PTPRD: variants seen among roughly 807,000 people sequenced by gnomAD.
PTPRD encodes receptor-type tyrosine-protein phosphatase delta.
In PTPRD, 34 loss-of-function variants were observed where a neutral mutation model predicts 214.5. The ratio of observed to expected loss-of-function variants is 0.16; its 90% CI spans 0.12 to 0.21. PTPRD has a LOEUF of 0.21. Ranked by LOEUF, PTPRD falls within the 10% of genes least tolerant of loss-of-function variation. The pLI, the probability that PTPRD is intolerant of heterozygous loss-of-function variation, is 1.00. For synonymous variants in PTPRD, 1,128 were observed against 845.7 expected (o/e 1.33, Z -5.79); for missense variants, 2,545 against 2,398.7 (o/e 1.06, Z -1.27).
Position 9,447,574 on chromosome 9 carries a change from T to C in PTPRD, c.-236-50092A>G, listed in dbSNP as rs190738793. Among the ~76,000 whole-genome samples the C allele has an allele frequency of 1.5e-3, 234 of 151,972 alleles. 1 individual carries two copies. Among genetic ancestry groups the C allele is most frequent in the African/African-American group, 5.5e-3 (228 of 41,484 alleles). On this transcript the variant is annotated intron_variant, in intron 8 of 45. Coordinates refer to ENST00000381196, the MANE Select transcript of PTPRD (RefSeq NM_002839.4). ...GGAAAAATAACTAATGGGTACTGGG[T>C]TTAATACCTGGCTGATGAAATAATC...
At chr9:8,839,507 T>C (rs1024588733) in intron 11 of PTPRD, among the ~76,000 whole-genome samples, 7 of 152,062 alleles carry the variant, frequency 4.6e-5, no homozygotes, top group Admixed American at 2.6e-4. Flanking sequence ...GTATTTTTAG[T>C]AGAGATGAGG....
chr9:8,500,619 G>A, intron 24 of PTPRD, 135 bp downstream of exon 24: 1 of 293,354 alleles, frequency 3.4e-6, no homozygotes, highest in Non-Finnish European at 5.4e-6. Flanking sequence ...ACAAGTCTTT[G>A]GCAAAAATAC....
intron 9 of PTPRD, among the ~76,000 whole-genome samples, chr9:9,323,126 AT>A (rs1412038670): frequency 2.0e-5 from 3 of 152,132 alleles, no homozygotes; most frequent in Non-Finnish European, 4.4e-5. Context: ...AGAATGATGT[AT>A]TTGTGAAGGT....
intron 8 of PTPRD, among the ~76,000 whole-genome samples, chr9:9,452,889 T>A (rs1053152311): frequency 6.6e-6 from 1 of 151,560 alleles, no homozygotes; most frequent in East Asian, 1.9e-4. Context: ...TTGAGATAAA[T>A]CACAAAACAA....
intron 2 of PTPRD, among the ~76,000 whole-genome samples, chr9:10,382,474 C>G (rs888532678): frequency 1.8e-4 from 28 of 151,776 alleles, no homozygotes; most frequent in Non-Finnish European, 3.1e-4. Flanking sequence ...AACATTACCT[C>G]GTCTATGAAG....
intron 10 of PTPRD, among the ~76,000 whole-genome samples, chr9:9,040,518 C>T (rs894598343): frequency 1.3e-5 from 2 of 152,180 alleles, no homozygotes; most frequent in Non-Finnish European, 2.9e-5. Flanking sequence ...TTCAACCGCA[C>T]TCTTGCATAG....
At chr9:8,586,765 T>C (rs1221703803) in intron 14 of PTPRD, among the ~76,000 whole-genome samples, 1 of 152,202 alleles carries the variant, frequency 6.6e-6, no homozygotes, top group Non-Finnish European at 1.5e-5. Context: ...TGTTCTTAAA[T>C]ATTTTATATT....
intron 9 of PTPRD, among the ~76,000 whole-genome samples, chr9:9,212,357 C>G (rs1314637332): frequency 6.6e-6 from 1 of 152,120 alleles, no homozygotes. Context: ...TGATTTTTCC[C>G]TATGCTGAAA....
At chr9:8,385,686 C>T (rs895801659) in intron 37 of PTPRD, among the ~76,000 whole-genome samples, 1 of 152,126 alleles carries the variant, frequency 6.6e-6, no homozygotes, top group Admixed American at 6.5e-5. Flanking sequence ...CTTATCACTA[C>T]ATGTAACCCA....
chr9:8,393,567 T>C (rs566416576), intron 36 of PTPRD, among the ~76,000 whole-genome samples: 1 of 152,106 alleles, frequency 6.6e-6, no homozygotes, highest in Non-Finnish European at 1.5e-5. Flanking sequence ...TTGGAGTCAG[T>C]TGGTCTTAGT....
At chr9:8,656,162 T>G (rs1389246846) in intron 12 of PTPRD, among the ~76,000 whole-genome samples, 2 of 152,216 alleles carry the variant, frequency 1.3e-5, no homozygotes, top group East Asian at 1.9e-4. Context: ...TTGTTAAAGA[T>G]GCATATTCTC....
intron 11 of PTPRD, among the ~76,000 whole-genome samples, chr9:8,985,081 G>A (rs561137096): frequency 8.6e-5 from 13 of 152,022 alleles, no homozygotes; most frequent in South Asian, 4.1e-4. Flanking sequence ...AAAACATCTC[G>A]CAACAGACAG....
chr9:8,849,300 C>T (rs896185083), intron 11 of PTPRD, among the ~76,000 whole-genome samples: 34 of 151,878 alleles, frequency 2.2e-4, no homozygotes, highest in African/African-American at 7.5e-4. Flanking sequence ...CTCAGTCTCC[C>T]GAGTAGCTGG....
chr9:9,208,037 TGA>T (rs1304459224), intron 9 of PTPRD, among the ~76,000 whole-genome samples: 6 of 140,190 alleles, frequency 4.3e-5, no homozygotes, highest in Non-Finnish European at 6.1e-5. Context: ...TTTTTTTTTT[TGA>T]GACAGAGCTT....
intron 2 of PTPRD, among the ~76,000 whole-genome samples, chr9:10,342,491 T>C (rs181132702): frequency 2.8e-4 from 42 of 152,178 alleles, no homozygotes; most frequent in Non-Finnish European, 4.7e-4. Flanking sequence ...TTTGTAGCAA[T>C]AGAAAAATTT....
intron 2 of PTPRD, among the ~76,000 whole-genome samples, chr9:10,415,859 G>C (rs1467922153): frequency 6.6e-6 from 1 of 151,800 alleles, no homozygotes; most frequent in Non-Finnish European, 1.5e-5. Flanking sequence ...TAAAGACAAT[G>C]ATGGAGACAA....
intron 11 of PTPRD, among the ~76,000 whole-genome samples, chr9:8,819,059 G>A (rs1043375923): frequency 6.6e-6 from 1 of 152,042 alleles, no homozygotes; most frequent in African/African-American, 2.4e-5. Flanking sequence ...AGAAAATGAT[G>A]GTTTAACAAG....
Position 8,484,368 on chromosome 9 carries a change from T to C in PTPRD, c.3164A>G (p.Asp1055Gly). ...CACTTCTTCTACCATTTTCCCATCA[T>C]CATAAAGAATCTAAAGAGATAAAAC... ...NSAMPFKILY[D>G]DGKMVEEVDG... The change falls in exon 30 of 46, where the codon GAT becomes GGT. Residue 1055 changes from aspartate to glycine, a missense_variant. Asp to Gly is a moderately conservative substitution (Grantham distance 94). Coordinates refer to ENST00000381196, the MANE Select transcript of PTPRD (RefSeq NM_002839.4). 1.9e-6 allele frequency: 3 copies of C among 1,613,072 alleles called. No individual in the cohort carries two copies. Among genetic ancestry groups the C allele is most frequent in the Middle Eastern group, 1.7e-4 (1 of 6,056 alleles).
intron 11 of PTPRD, among the ~76,000 whole-genome samples, chr9:8,848,213 GT>G (rs570588515): frequency 1.3e-5 from 2 of 149,346 alleles, no homozygotes; most frequent in Admixed American, 1.3e-4. Context: ...GTAAAAAAAT[GT>G]TTTTTTCAAT....
Sources: gnomAD v4.1 joint callset for allele counts (sites outside exome capture counted in the v4.1 genomes callset) on GRCh38, gnomAD v4.1.1 for gene constraint, MANE v1.5 for transcripts, NCBI Gene and HGNC (gene_info 2026-07-23, HGNC 2026-07-21) for gene names.